Variants in ARHGAP18 observed in about 807,000 individuals in gnomAD.
ARHGAP18 encodes Rho GTPase activating protein 18, also known as rho GTPase-activating protein 18.
In ARHGAP18, 67 loss-of-function variants were observed where a neutral mutation model predicts 86.2. The observed-to-expected ratio is 0.78, with a 90% CI of 0.64 to 0.95. ARHGAP18 has a LOEUF of 0.95. Ranked by LOEUF, ARHGAP18 falls within the 40% of genes least tolerant of loss-of-function variation. The pLI is 0.00. For missense variants in ARHGAP18, 691 were observed against 780.4 expected, an observed-to-expected ratio of 0.89 and a Z score of 1.37; for synonymous variants, 283 against 280.4, an observed-to-expected ratio of 1.01 and a Z score of -0.09.
chr6:129,660,060 G>A (rs1259657282), intron 1 of ARHGAP18, among the ~76,000 whole-genome samples: 1 of 152,198 alleles, frequency 6.6e-6, no homozygotes, highest in Non-Finnish European at 1.5e-5. Context: ...CCCCCTGGGG[G>A]AGGGAGAAGG....
In ARHGAP18 at chr6:129,629,400, A is replaced by C; in HGVS notation, c.739T>G (p.Ser247Ala). Residue 247 changes from serine to alanine, a missense_variant, in exon 5 of 15, where the codon TCC (serine) becomes GCC (alanine). Physicochemically the swap from Ser to Ala is moderately conservative, Grantham distance 99. Coordinates refer to ENST00000368149, the MANE Select transcript of ARHGAP18 (RefSeq NM_033515.3). ...AEQALNQKESSKEKIQKSKGD... is the reference protein window; with the variant it reads ...AEQALNQKESAKEKIQKSKGD... ...TTGCTCTTCTGGATTTTCTCCTTGGAGCTCTCTTTCTGATTGAGTGCTTGC... is the reference window on the plus strand; with the variant it reads ...TTGCTCTTCTGGATTTTCTCCTTGGCGCTCTCTTTCTGATTGAGTGCTTGC... The C allele has an allele frequency of 1.9e-6, 3 of 1,613,590 alleles. No individual in the cohort carries two copies. Among genetic ancestry groups the C allele is most frequent in the Non-Finnish European group, 2.5e-6 (3 of 1,179,924 alleles).
chr6:129,661,769 C>A (rs13209334), intron 1 of ARHGAP18: 186,383 of 616,654 alleles, frequency 0.3, 29,237 homozygotes, highest in Middle Eastern at 0.37. Flanking sequence ...CTTGACAACA[C>A]CACAAATAAC....
At chr6:129,622,541 T>C (rs1789251480) in intron 5 of ARHGAP18, among the ~76,000 whole-genome samples, 2 of 151,962 alleles carry the variant, frequency 1.3e-5, no homozygotes. Flanking sequence ...ATGAAGGAGT[T>C]AGTTCTTTAT....
intron 7 of ARHGAP18, among the ~76,000 whole-genome samples, chr6:129,612,316 T>G (rs1788996605): frequency 6.6e-6 from 1 of 152,206 alleles, no homozygotes; most frequent in African/African-American, 2.4e-5. Flanking sequence ...GAGTAGGCAT[T>G]CCCTGAGCAG....
At chr6:129,692,672 G>A (rs1159133467) in intron 1 of ARHGAP18, among the ~76,000 whole-genome samples, 1 of 152,104 alleles carries the variant, frequency 6.6e-6, no homozygotes, top group African/African-American at 2.4e-5. Context: ...ACATTTATGG[G>A]AACATGTCAT....
intron 3 of ARHGAP18, among the ~76,000 whole-genome samples, chr6:129,637,437 T>TGTGGGGTCTGG (rs1773357402): frequency 1.3e-5 from 2 of 152,208 alleles, no homozygotes; most frequent in Non-Finnish European, 2.9e-5. Flanking sequence ...TATTAACAAG[T>TGTGGGGTCTGG]TAATCACCTA....
chr6:129,616,115 A>G (rs889027361), intron 7 of ARHGAP18, 97 bp downstream of exon 7: 5 of 933,832 alleles, frequency 5.4e-6, no homozygotes, highest in Non-Finnish European at 7.7e-6. Flanking sequence ...ACATGACAGT[A>G]TATGAATTGG....
At chr6:129,684,102 G>C (rs895234408) in intron 1 of ARHGAP18, among the ~76,000 whole-genome samples, 2 of 152,208 alleles carry the variant, frequency 1.3e-5, no homozygotes, top group Non-Finnish European at 2.9e-5. Flanking sequence ...GAGCAGGCCT[G>C]GGGAGAGAGA....
Position 129,619,845 on chromosome 6 carries a change from C to T in ARHGAP18, c.787-993G>A, listed in dbSNP as rs1401091877. Among the ~76,000 whole-genome samples, 11 of 151,640 alleles carry T rather than the reference C, an allele frequency of 7.3e-5. No individual in the cohort carries two copies. The East Asian group carries it at 1.6e-3, about 21-fold the overall frequency. Reference sequence around the variant, plus strand: ...TGGGGTAAGAGGGACACAGGGGAAACGAAGAGCATGGACTTCAGAGCTTAC... The same window carrying T: ...TGGGGTAAGAGGGACACAGGGGAAATGAAGAGCATGGACTTCAGAGCTTAC... On this transcript the variant is annotated intron_variant, in intron 5 of 14. Transcript: ENST00000368149.
At chr6:129,603,933 A>G (rs1334241052) in intron 10 of ARHGAP18, among the ~76,000 whole-genome samples, 1 of 152,218 alleles carries the variant, frequency 6.6e-6, no homozygotes, top group Non-Finnish European at 1.5e-5. Flanking sequence ...CCTTCAGATG[A>G]CAACTGAAGG....
intron 1 of ARHGAP18, among the ~76,000 whole-genome samples, chr6:129,647,378 C>T (rs574456429): frequency 2.0e-5 from 3 of 152,104 alleles, no homozygotes; most frequent in Admixed American, 2.0e-4. Context: ...CTTGTGTTCC[C>T]TACCCTGTTT....
intron 12 of ARHGAP18, chr6:129,598,890 A>AGGC (rs1331880366): frequency 1.2e-5 from 2 of 166,708 alleles, no homozygotes; most frequent in Non-Finnish European, 2.6e-5. Flanking sequence ...TATATTCAGT[A>AGGC]GGCGACTAGA....
intron 12 of ARHGAP18, among the ~76,000 whole-genome samples, chr6:129,590,798 AGAGT>A (rs1788493050): frequency 6.6e-6 from 1 of 152,048 alleles, no homozygotes; most frequent in African/African-American, 2.4e-5. Context: ...GCAGGGAGAG[AGAGT>A]GTGTGTGTGG....
chr6:129,659,894 T>C (rs572759544), intron 1 of ARHGAP18, among the ~76,000 whole-genome samples: 25 of 151,688 alleles, frequency 1.6e-4, no homozygotes, highest in Non-Finnish European at 2.9e-4. Context: ...GAGCCGGAGG[T>C]TGAGTAGGAG....
intron 1 of ARHGAP18, among the ~76,000 whole-genome samples, chr6:129,700,922 C>CA (rs1051449379): frequency 1.3e-5 from 2 of 151,562 alleles, no homozygotes; most frequent in African/African-American, 4.9e-5. Context: ...CTCATTCATT[C>CA]ATTCAATCTT....
chr6:129,613,042 G>C (rs148652675), intron 7 of ARHGAP18, among the ~76,000 whole-genome samples: 1,589 of 152,020 alleles, frequency 0.01, 19 homozygotes, highest in African/African-American at 0.037. Flanking sequence ...GACCATCCTT[G>C]TTAACATGGT....
intron 5 of ARHGAP18, among the ~76,000 whole-genome samples, chr6:129,621,003 C>T (rs539726352): frequency 1.3e-5 from 2 of 152,206 alleles, no homozygotes; most frequent in South Asian, 4.1e-4. Context: ...AAATTAAAAC[C>T]ATGATACACT....
intron 5 of ARHGAP18, among the ~76,000 whole-genome samples, chr6:129,623,256 T>C (rs1470928892): frequency 6.6e-6 from 1 of 152,112 alleles, no homozygotes; most frequent in Non-Finnish European, 1.5e-5. Flanking sequence ...AGCTTAGTCA[T>C]TAATGTCAAG....
At chr6:129,700,962 T>C (rs1774699871) in intron 1 of ARHGAP18, among the ~76,000 whole-genome samples, 1 of 150,728 alleles carries the variant, frequency 6.6e-6, no homozygotes, top group Non-Finnish European at 1.5e-5. Flanking sequence ...AACTAAGCAC[T>C]TTGCCAAGGC....
Sources: gnomAD v4.1 joint callset for allele counts (sites outside exome capture counted in the v4.1 genomes callset) on GRCh38, gnomAD v4.1.1 for gene constraint, MANE v1.5 for transcripts, NCBI Gene and HGNC (gene_info 2026-07-23, HGNC 2026-07-21) for gene names.